Variants in PCDHA2 observed in about 807,000 individuals in gnomAD.
PCDHA2 encodes protocadherin alpha 2, also known as protocadherin alpha-2.
In PCDHA2, 58 loss-of-function variants were observed where a neutral mutation model predicts 66.0. The observed-to-expected ratio is 0.88, with a 90% confidence interval of 0.71 to 1.09. The LOEUF is 1.09. Ranked by LOEUF, PCDHA2 falls within the 50% of genes least tolerant of loss-of-function variation. The pLI is 0.00. For missense variants in PCDHA2, 1,267 were observed against 1,242.3 expected (o/e 1.02, Z -0.30); for synonymous variants, 634 against 554.0 (o/e 1.14, Z -2.03).
At chr5:141,001,143 G>T (rs1310182286) in intron 3 of PCDHA2, among the ~76,000 whole-genome samples, 1 of 151,914 alleles carries the variant, frequency 6.6e-6, no homozygotes, top group Admixed American at 6.5e-5. Context: ...ATCTTCTGTT[G>T]CTCTGATCTT....
chr5:140,870,876 G>A, intron 1 of PCDHA2: 1 of 1,613,958 alleles, frequency 6.2e-7, no homozygotes, highest in Non-Finnish European at 8.5e-7. Context: ...ACGTGGTGGC[G>A]AAGGTGCGCG....
chr5:140,854,123 CT>C (rs1554147020), intron 1 of PCDHA2: 1 of 348,562 alleles, frequency 2.9e-6, no homozygotes, highest in Non-Finnish European at 3.9e-6. Context: ...GATGGCACAA[CT>C]GCATTTCAGC....
chr5:140,932,351 A>G (rs1401387848), intron 1 of PCDHA2, among the ~76,000 whole-genome samples: 1 of 151,920 alleles, frequency 6.6e-6, no homozygotes, highest in African/African-American at 2.4e-5. Context: ...TTACCATACA[A>G]CTGGCCTTAT....
intron 1 of PCDHA2, chr5:140,857,701 G>A (rs1043829375): frequency 4.4e-6 from 7 of 1,597,352 alleles, no homozygotes; most frequent in Non-Finnish European, 6.0e-6. Flanking sequence ...TGACGCTGCA[G>A]GTGTTCGTGC....
chr5:140,889,923 C>T (rs1225073810), intron 1 of PCDHA2, among the ~76,000 whole-genome samples: 1 of 152,184 alleles, frequency 6.6e-6, no homozygotes, highest in African/African-American at 2.4e-5. Flanking sequence ...TGTAAAGAAG[C>T]TCAAGCTGGA....
Position 140,926,930 on chromosome 5 carries a change from T to A in PCDHA2, c.2389-52019T>A, listed in dbSNP as rs1554203828. On this transcript the variant is annotated intron_variant, in intron 1 of 3. Coordinates refer to ENST00000526136, the MANE Select transcript of PCDHA2 (RefSeq NM_018905.3). ...GGGGTGGCAGTTTTATGTTTGTGGG[T>A]TTCCTGCGGCGCTGCAGCGGGACAG... 6 of 1,575,058 alleles carry A rather than the reference T, an allele frequency of 3.8e-6. No individual in the cohort carries two copies. The East Asian group carries it at 1.4e-4, about 35-fold the overall frequency.
rs782133089 is a variant in PCDHA2, at chr5:140,924,894, C to CAAAAA, written c.2389-54048_2389-54044dup. Among the ~76,000 whole-genome samples, 201 of 71,494 alleles carry CAAAAA rather than the reference C, an allele frequency of 2.8e-3. 5 individuals are homozygous for CAAAAA. In the East Asian group the frequency reaches 0.084, roughly 30 times the overall value. The allele number at this position is 71,494 out of a possible 152,430, so 46.9% of individuals were successfully genotyped here. On this transcript the variant is annotated intron_variant, in intron 1 of 3. Coordinates refer to ENST00000526136, the MANE Select transcript of PCDHA2 (RefSeq NM_018905.3). ...TGGGTGACAGAGCAAGAACCTGTCT[C>CAAAAA]AAAAAAAAAAATAAAATAAAATAAA...
intron 1 of PCDHA2, chr5:140,884,079 A>T (rs2059982825): frequency 3.1e-6 from 5 of 1,613,504 alleles, no homozygotes; most frequent in Non-Finnish European, 4.2e-6. Context: ...TCGGGCTACA[A>T]TGCGTGGCTT....
chr5:140,828,786 T>C (rs2150158991), intron 1 of PCDHA2: 1 of 1,614,102 alleles, frequency 6.2e-7, no homozygotes, highest in Non-Finnish European at 8.5e-7. Context: ...CTGGTCACAG[T>C]GCTGGATGTG....
At chr5:140,960,841 T>C (rs1554225062) in intron 1 of PCDHA2, among the ~76,000 whole-genome samples, 1 of 152,222 alleles carries the variant, frequency 6.6e-6, no homozygotes, top group African/African-American at 2.4e-5. Context: ...GGAACAGGTT[T>C]AATGGCAACT....
intron 1 of PCDHA2, chr5:140,968,689 A>T: frequency 2.5e-6 from 4 of 1,614,124 alleles, no homozygotes; most frequent in Non-Finnish European, 3.4e-6. Context: ...ACACAGGAGA[A>T]ATTAGGACTA....
intron 1 of PCDHA2, chr5:140,884,564 A>C: frequency 6.2e-7 from 1 of 1,614,118 alleles, no homozygotes; most frequent in Non-Finnish European, 8.5e-7. Flanking sequence ...GGGCCCGCAT[A>C]AGACGGACCT....
intron 3 of PCDHA2, among the ~76,000 whole-genome samples, chr5:140,990,479 G>A (rs1227837227): frequency 3.3e-5 from 5 of 152,184 alleles, no homozygotes; most frequent in Non-Finnish European, 5.9e-5. Context: ...GTATCAAGCT[G>A]AATAGTGAGG....
chr5:140,870,485 T>C lies in PCDHA2; in HGVS notation c.2388+73133T>C, dbSNP rs1388283363. 1 of 1,614,118 alleles carries C rather than the reference T, an allele frequency of 6.2e-7. No homozygotes were observed. Among genetic ancestry groups the C allele is most frequent in the South Asian group, 1.1e-5 (1 of 91,094 alleles). On this transcript the variant is annotated intron_variant, in intron 1 of 3. Coordinates refer to ENST00000526136, the MANE Select transcript of PCDHA2 (RefSeq NM_018905.3). The stretch of plus-strand genomic sequence containing the variant: ...GCGTTCGCACAGCCCGAGTACACCG[T>C]GTTCGTGAAGGAGAACAACCCACCA...
At chr5:140,928,506 A>G (rs1554205940) in intron 1 of PCDHA2, 4 of 1,614,090 alleles carry the variant, frequency 2.5e-6, no homozygotes, top group African/African-American at 1.3e-5. Context: ...GAAGTGCAAC[A>G]GTGACTATAA....
intron 1 of PCDHA2, chr5:140,851,030 T>G (rs1462203945): frequency 1.4e-6 from 2 of 1,410,502 alleles, no homozygotes; most frequent in Non-Finnish European, 1.9e-6. Context: ...AGTAAACCCC[T>G]TAACATTGGA....
intron 1 of PCDHA2, chr5:140,829,321 C>T (rs1770227307): frequency 6.2e-7 from 1 of 1,614,262 alleles, no homozygotes; most frequent in South Asian, 1.1e-5. Flanking sequence ...TGGTGCTGGA[C>T]AGTGCCCTGG....
intron 1 of PCDHA2, chr5:140,863,731 A>G (rs1249998987): frequency 1.2e-5 from 3 of 259,294 alleles, no homozygotes; most frequent in Non-Finnish European, 2.3e-5. Context: ...GCGGTAGCTC[A>G]TGCCTATTTG....
intron 1 of PCDHA2, chr5:140,856,967 A>G (rs782128989): frequency 1.3e-6 from 2 of 1,593,606 alleles, no homozygotes; most frequent in Non-Finnish European, 1.7e-6. Context: ...AAATGATGCT[A>G]TTGACTTTGA....
Sources: allele counts gnomAD v4.1 joint callset (sites outside exome capture counted in the v4.1 genomes callset), GRCh38; gene constraint gnomAD v4.1.1; transcripts MANE v1.5; gene names NCBI Gene and HGNC (gene_info 2026-07-23, HGNC 2026-07-21).